LAMB4: variants seen among roughly 807,000 people sequenced by gnomAD.
LAMB4 encodes the protein laminin subunit beta 4, also known as laminin subunit beta-4.
LAMB4 carries 196 observed loss-of-function variants against 199.2 expected under a neutral mutation model. The ratio of observed to expected loss-of-function variants is 0.98; its 90% CI spans 0.88 to 1.11. The LOEUF (loss-of-function observed/expected upper bound fraction) is 1.11. Among genes scored for constraint, LAMB4 ranks in the 50% least tolerant of loss-of-function variants. The pLI, the probability that LAMB4 is intolerant of heterozygous loss-of-function variation, is 0.00. For missense variants in LAMB4, 2,080 were observed against 2,171.2 expected, an observed-to-expected ratio of 0.96 and a Z score of 0.83; for synonymous variants, 744 against 770.6, an observed-to-expected ratio of 0.97 and a Z score of 0.57.
At chr7:108,057,759 G>C (rs2036028072) in intron 24 of LAMB4, 73 bp downstream of exon 24, 1 of 896,470 alleles carries the variant, frequency 1.1e-6, no homozygotes, top group East Asian at 2.5e-5. Flanking sequence ...TTAAAATTCA[G>C]TTGGTTCATA....
intron 30 of LAMB4, among the ~76,000 whole-genome samples, chr7:108,035,131 T>C (rs201218589): frequency 6.6e-6 from 1 of 152,156 alleles, no homozygotes; most frequent in Non-Finnish European, 1.5e-5. Context: ...CTCCTCATCA[T>C]CCCACCGCCA....
Position 108,104,576 on chromosome 7 carries a change from T to A in LAMB4, c.914A>T (p.Asn305Ile). The part of the protein sequence containing the change: ...CVCQHNTDGP[N>I]CERCKDFFQD... ...GAAGAAGTCCTTGCATCTCTCACAG[T>A]TCGGACCATCTGTATTGTGCTGACA... Residue 305 changes from asparagine to isoleucine, a missense_variant, in exon 9 of 34, where the codon AAC (asparagine) becomes ATC (isoleucine). Asn to Ile is a moderately radical substitution (Grantham distance 149, BLOSUM62 -3). Coordinates refer to ENST00000388781, the MANE Select transcript of LAMB4 (RefSeq NM_007356.3). The A allele has an allele frequency of 1.9e-6, 3 of 1,614,184 alleles. No homozygotes were observed. Among genetic ancestry groups the A allele is most frequent in the Non-Finnish European group, 2.5e-6 (3 of 1,180,026 alleles).
chr7:108,046,857 A>G (rs890209720), intron 28 of LAMB4, among the ~76,000 whole-genome samples: 1 of 151,840 alleles, frequency 6.6e-6, no homozygotes, highest in African/African-American at 2.4e-5. Context: ...ATGAAAAATT[A>G]TTCTTTGCTT....
chr7:108,074,345 C>T (rs961197153), intron 17 of LAMB4, among the ~76,000 whole-genome samples: 1 of 152,142 alleles, frequency 6.6e-6, no homozygotes, highest in Non-Finnish European at 1.5e-5. Flanking sequence ...CGACTGAAAA[C>T]TAATTGAATG....
chr7:108,012,030 A>G, the LAMB4 span, among the ~76,000 whole-genome samples: 4 of 150,126 alleles, frequency 2.7e-5, no homozygotes, highest in African/African-American at 5.0e-5. Context: ...GCAAATGTTA[A>G]CATAATTTCT....
chr7:108,103,031 C>A lies in LAMB4; in HGVS notation c.1180+13G>T. 6.4e-7 allele frequency: 1 copy of A among 1,561,312 alleles called. No individual in the cohort carries two copies. Among genetic ancestry groups the A allele is most frequent in the Non-Finnish European group, 8.7e-7 (1 of 1,143,996 alleles). ...AGACAGTGGGTAGGATCCAGGCAGA[C>A]CCGGGGACTCACGAATGCACGCGTA... On this transcript the variant is annotated intron_variant, in intron 10 of 33. Transcript: ENST00000388781.
chr7:108,028,845 A>T (rs1413655155), intron 33 of LAMB4, among the ~76,000 whole-genome samples, 198 bp downstream of exon 33: 1 of 152,200 alleles, frequency 6.6e-6, no homozygotes, highest in East Asian at 1.9e-4. Flanking sequence ...GCAGATGCTC[A>T]TTAACCTTTC....
intron 12 of LAMB4, among the ~76,000 whole-genome samples, chr7:108,094,052 T>G (rs1351656913): frequency 2.0e-5 from 3 of 152,158 alleles, no homozygotes; most frequent in Non-Finnish European, 4.4e-5. Context: ...CAGAGAGATG[T>G]GGATGTGGAG....
chr7:108,102,892 C>A, intron 10 of LAMB4, 152 bp downstream of exon 10: 1 of 521,274 alleles, frequency 1.9e-6, no homozygotes, highest in African/African-American at 1.9e-5. Context: ...AGGATGAGCT[C>A]TTAAAGCTGA....
intron 17 of LAMB4, among the ~76,000 whole-genome samples, chr7:108,070,436 A>G (rs928498740): frequency 3.3e-5 from 5 of 152,172 alleles, no homozygotes; most frequent in South Asian, 4.1e-4. Context: ...TTTGAACTGC[A>G]TGGGTCCCTT....
chr7:108,067,209 AAAAAG>A (rs1409315927), intron 19 of LAMB4, among the ~76,000 whole-genome samples: 9 of 152,342 alleles, frequency 5.9e-5, no homozygotes, highest in African/African-American at 1.2e-4. Flanking sequence ...TTTTCTTAAA[AAAAAG>A]AAAAGAAAAG....
intron 24 of LAMB4, among the ~76,000 whole-genome samples, chr7:108,057,207 C>T (rs1263463799): frequency 6.6e-6 from 1 of 152,092 alleles, no homozygotes; most frequent in Non-Finnish European, 1.5e-5. Context: ...TTTGCAGTTT[C>T]TTCTACTGCT....
intron 3 of LAMB4, among the ~76,000 whole-genome samples, chr7:108,112,990 C>T (rs1001236035): frequency 6.6e-6 from 1 of 152,220 alleles, no homozygotes; most frequent in African/African-American, 2.4e-5. Context: ...ACACATGCTT[C>T]TTGCTATTTT....
chr7:108,037,346 T>TG, intron 30 of LAMB4, 42 bp downstream of exon 30: 1 of 1,445,556 alleles, frequency 6.9e-7, no homozygotes, highest in South Asian at 1.2e-5. Flanking sequence ...TTTCAGCAGA[T>TG]GGTCTGTTAG....
In LAMB4 at chr7:108,033,634, C is replaced by G. The variant is rs753696366; in HGVS notation, c.4818+574G>C. On this transcript the variant is annotated intron_variant, in intron 31 of 33. Transcript: ENST00000388781. ...ATGTTGGCCCAGCTGGTCTCGAACT[C>G]CTCACCTCGGGTGATACACCCACCT... 6.8e-4 allele frequency among the ~76,000 whole-genome samples: 103 copies of G among 152,012 alleles called. 1 individual carries two copies. The highest frequency in any genetic ancestry group is 5.7e-4 in the Non-Finnish European group (39 of 68,004).
intron 25 of LAMB4, among the ~76,000 whole-genome samples, chr7:108,055,379 G>T (rs1156504572): frequency 6.6e-6 from 1 of 151,990 alleles, no homozygotes; most frequent in Non-Finnish European, 1.5e-5. Context: ...TAGAGAGGGG[G>T]TTTCTCCATG....
chr7:108,112,575 G>C (rs114598841), intron 3 of LAMB4, among the ~76,000 whole-genome samples: 166 of 152,278 alleles, frequency 1.1e-3, no homozygotes, highest in African/African-American at 3.9e-3. Context: ...TTACAGGTGT[G>C]AGCCACTGAC....
chr7:108,103,053 C>A lies in LAMB4; in HGVS notation c.1171G>T (p.Ala391Ser), dbSNP rs766101672. ...DPLKTISDPY[A>S]CIPCECDPDG... ...AGACCCGGGGACTCACGAATGCACG[C>A]GTAGGGATCTGAGATGGTCTTGAGC... Residue 391 changes from alanine (A) to serine (S), a missense_variant, in exon 10 of 34, where the codon GCG (alanine) becomes TCG (serine). Coordinates refer to ENST00000388781, the MANE Select transcript of LAMB4 (RefSeq NM_007356.3). The A allele has an allele frequency of 3.8e-6, 6 of 1,589,948 alleles. No homozygotes were observed. The African/African-American group carries it at 6.7e-5, about 18-fold the overall frequency.
At chr7:108,090,958 G>C (rs1010904980) in intron 14 of LAMB4, among the ~76,000 whole-genome samples, 1 of 152,138 alleles carries the variant, frequency 6.6e-6, no homozygotes, top group Non-Finnish European at 1.5e-5. Flanking sequence ...TGTCCTTACA[G>C]ATAAGGAAGA....
Sources: gnomAD v4.1 joint callset for allele counts (sites outside exome capture counted in the v4.1 genomes callset) on GRCh38, gnomAD v4.1.1 for gene constraint, MANE v1.5 for transcripts, NCBI Gene and HGNC (gene_info 2026-07-23, HGNC 2026-07-21) for gene names.